MMP26: variants seen among roughly 807,000 people sequenced by gnomAD.
The protein encoded by MMP26 is matrix metallopeptidase 26, also known as matrix metalloproteinase-26.
In MMP26, 33 loss-of-function variants were observed where a neutral mutation model predicts 31.0. The observed-to-expected ratio is 1.06, with a 90% CI of 0.81 to 1.42. The LOEUF is 1.42. Among genes scored for constraint, MMP26 ranks in the 40% most tolerant of loss-of-function variants. The pLI is 0.00. For missense variants in MMP26, 347 were observed against 316.1 expected (o/e 1.10, Z -0.74); for synonymous variants, 122 against 114.9 (o/e 1.06, Z -0.40).
intron 2 of MMP26, chr11:4,848,432 A>T (rs1184122974): frequency 1.2e-5 from 19 of 1,613,938 alleles, no homozygotes; most frequent in Non-Finnish European, 1.6e-5. Flanking sequence ...TCATAGGGAT[A>T]TAGAAGAGGA....
chr11:4,912,930 A>G (rs541924522), intron 2 of MMP26: 14 of 150,854 alleles, frequency 9.3e-5, no homozygotes, highest in African/African-American at 3.2e-4. Context: ...TGTTAAACAT[A>G]CTCTTTCAAA....
At chr11:4,945,609 C>T (rs1846283321) in intron 2 of MMP26, 1 of 157,854 alleles carries the variant, frequency 6.3e-6, no homozygotes, top group Non-Finnish European at 1.4e-5. Flanking sequence ...TGACTGCAGA[C>T]TACTGGTGGG....
chr11:4,798,740 A>T (rs915181351), intron 2 of MMP26, among the ~76,000 whole-genome samples: 4 of 152,232 alleles, frequency 2.6e-5, no homozygotes, highest in African/African-American at 4.8e-5. Flanking sequence ...TAAGGAAGAG[A>T]TGTGAACTTT....
chr11:4,983,669 T>C (rs945365081), intron 2 of MMP26, among the ~76,000 whole-genome samples: 2 of 152,168 alleles, frequency 1.3e-5, no homozygotes, highest in Non-Finnish European at 1.5e-5. Flanking sequence ...CCTGTTTCCA[T>C]AGTTCTGATT....
At chr11:4,874,699 G>C (rs1850356615) in intron 2 of MMP26, among the ~76,000 whole-genome samples, 1 of 151,970 alleles carries the variant, frequency 6.6e-6, no homozygotes, top group African/African-American at 2.4e-5. Flanking sequence ...TCTGTCAGCT[G>C]TGGCTAGACT....
At chr11:4,914,426 A>G in intron 2 of MMP26, 1 of 294,852 alleles carries the variant, frequency 3.4e-6, no homozygotes, top group Non-Finnish European at 6.3e-6. Context: ...TCAAGGGGAG[A>G]AGAAGTAGAC....
At position 4,924,668 on chromosome 11, in the gene MMP26, G is replaced by A. The variant is rs138938753; in HGVS notation, c.-144-63400G>A. On this transcript the variant is annotated intron_variant, in intron 2 of 7. Transcript: ENST00000380390. The stretch of plus-strand genomic sequence containing the variant: ...CGTTCTGAGAGATATGATACGAGAT[G>A]TATGTCTTTAATAGCAGGGCAGTTA... 2.7e-3 allele frequency among the ~76,000 whole-genome samples: 410 copies of A among 152,304 alleles called. 2 individuals are homozygous for A. The highest frequency in any genetic ancestry group is 9.3e-3 in the African/African-American group (386 of 41,562).
At chr11:4,814,907 C>T (rs372037079) in intron 2 of MMP26, among the ~76,000 whole-genome samples, 97 of 152,288 alleles carry the variant, frequency 6.4e-4, no homozygotes, top group African/African-American at 2.2e-3. Flanking sequence ...GTTAAGAACG[C>T]ACCCGTGGCA....
At chr11:4,743,647 C>T (rs1464970490) in intron 1 of MMP26, among the ~76,000 whole-genome samples, 1 of 152,220 alleles carries the variant, frequency 6.6e-6, no homozygotes, top group African/African-American at 2.4e-5. Context: ...TGATAAATCA[C>T]TGTAATATTT....
chr11:4,849,703 T>G (rs1199005824), intron 2 of MMP26, among the ~76,000 whole-genome samples: 1 of 152,190 alleles, frequency 6.6e-6, no homozygotes, highest in Non-Finnish European at 1.5e-5. Context: ...GGGGCACTCA[T>G]TTTTTCTAAG....
chr11:4,714,185 CT>C (rs1430776954), intron 1 of MMP26, among the ~76,000 whole-genome samples: 1 of 152,090 alleles, frequency 6.6e-6, no homozygotes, highest in East Asian at 1.9e-4. Context: ...GCCCTGGTTT[CT>C]TTTAAGAATG....
At chr11:4,946,825 A>C (rs1846318147) in intron 2 of MMP26, 1 of 1,587,434 alleles carries the variant, frequency 6.3e-7, no homozygotes, top group Non-Finnish European at 8.6e-7. Flanking sequence ...ATGAAATTTC[A>C]GGAGCATTGA....
At chr11:4,964,574 A>T (rs1404639406) in intron 2 of MMP26, among the ~76,000 whole-genome samples, 1 of 152,180 alleles carries the variant, frequency 6.6e-6, no homozygotes, top group Non-Finnish European at 1.5e-5. Flanking sequence ...CTCGGTATAT[A>T]CCTAAAGGAA....
chr11:4,751,560 TAG>T (rs1848447074), intron 1 of MMP26, among the ~76,000 whole-genome samples: 2 of 152,162 alleles, frequency 1.3e-5, no homozygotes, highest in South Asian at 4.1e-4. Context: ...CTGGCATTTT[TAG>T]ACTGTAGAGT....
intron 2 of MMP26, among the ~76,000 whole-genome samples, chr11:4,790,192 T>C (rs575726396): frequency 6.6e-6 from 1 of 151,886 alleles, no homozygotes; most frequent in Non-Finnish European, 1.5e-5. Context: ...ATACAAAAAA[T>C]TAGCCGGGTG....
intron 1 of MMP26, among the ~76,000 whole-genome samples, chr11:4,726,460 T>TA (rs199521563): frequency 0.023 from 3,354 of 144,732 alleles, 79 homozygotes; most frequent in African/African-American, 0.066. Flanking sequence ...GCAACTTCAT[T>TA]AAAAAAAAAA....
At chr11:4,750,609 G>A (rs1848435823) in intron 1 of MMP26, among the ~76,000 whole-genome samples, 1 of 152,024 alleles carries the variant, frequency 6.6e-6, no homozygotes, top group Non-Finnish European at 1.5e-5. Context: ...ATGAAGTGAT[G>A]TTTTTTGCAG....
In MMP26 at chr11:4,803,020, A is replaced by T. The variant is rs571965427; in HGVS notation, c.-145+35679A>T. Reference sequence around the variant, plus strand: ...TTTATTTTTATAAACATATTCTCAGATGAAGAAATATATGTACTTTTAAAT... The same window carrying T: ...TTTATTTTTATAAACATATTCTCAGTTGAAGAAATATATGTACTTTTAAAT... On this transcript the variant is annotated intron_variant, in intron 2 of 7. Coordinates refer to ENST00000380390, the MANE Select transcript of MMP26 (RefSeq NM_021801.5). 5.3e-5 allele frequency among the ~76,000 whole-genome samples: 8 copies of T among 152,332 alleles called. No individual in the cohort carries two copies. The South Asian group carries it at 1.7e-3, about 32-fold the overall frequency.
chr11:4,807,440 A>G (rs1232377251), intron 2 of MMP26, among the ~76,000 whole-genome samples: 2 of 152,224 alleles, frequency 1.3e-5, no homozygotes, highest in East Asian at 3.8e-4. Flanking sequence ...TGCAGGCATA[A>G]AAAAGGATGA....
Sources: gnomAD v4.1 joint callset for allele counts (sites outside exome capture counted in the v4.1 genomes callset) on GRCh38, gnomAD v4.1.1 for gene constraint, MANE v1.5 for transcripts, NCBI Gene and HGNC (gene_info 2026-07-23, HGNC 2026-07-21) for gene names.